The following USP7 variants were observed in gnomAD, a reference collection of about 807,000 sequenced individuals.
The protein encoded by USP7 is ubiquitin specific peptidase 7.
In USP7, 9 loss-of-function variants were observed where a neutral mutation model predicts 162.9. That is an observed-to-expected ratio of 0.06 (90% CI 0.03 to 0.10). USP7 has a LOEUF of 0.10. USP7 is among the 10% of genes least tolerant of loss of function. The pLI, the probability that USP7 is intolerant of heterozygous loss-of-function variation, is 1.00. For missense variants in USP7, 715 were observed against 1,373.7 expected (o/e 0.52, Z 7.58); for synonymous variants, 562 against 475.9 (o/e 1.18, Z -2.35).
rs570547527 is a variant in USP7, at chr16:8,892,397, G to A, written c.*1601C>T. The A allele has an allele frequency of 6.6e-6, 1 of 152,304 alleles. No individual in the cohort carries two copies. The highest frequency in any genetic ancestry group is 2.1e-4 in the South Asian group (1 of 4,826). 9.4% of individuals were successfully genotyped at this position (152,304 alleles called of 1,614,324 possible). ...AGTTGAGAAAGGAAGTCACTCCAAG[G>A]TACACACTGGCCCAAAGACCAGGAA... On this transcript the variant is annotated 3_prime_UTR_variant, in exon 31 of 31. Coordinates refer to ENST00000344836, the MANE Select transcript of USP7 (RefSeq NM_003470.3).
chr16:8,901,547 A>C (rs971829108), intron 18 of USP7, among the ~76,000 whole-genome samples: 1 of 152,224 alleles, frequency 6.6e-6, no homozygotes, highest in Non-Finnish European at 1.5e-5. Context: ...TGGCTGGAAG[A>C]GCGTTGCCAC....
At chr16:8,920,317 CAA>C (rs949812621) in intron 5 of USP7, 40 bp downstream of exon 5, 22 of 1,551,762 alleles carry the variant, frequency 1.4e-5, no homozygotes, top group Non-Finnish European at 1.8e-5. Flanking sequence ...CACTGCAGCA[CAA>C]AAGACATTTT....
rs2061612587 is a variant in USP7, at chr16:8,892,469, ACCACGC to A, written c.*1523_*1528del. The A allele has an allele frequency of 6.6e-6, 1 of 152,222 alleles. No homozygotes were observed. Among genetic ancestry groups the A allele is most frequent in the Non-Finnish European group, 1.5e-5 (1 of 68,050 alleles). 9.4% of individuals were successfully genotyped at this position (152,222 alleles called of 1,614,324 possible). On this transcript the variant is annotated 3_prime_UTR_variant, in exon 31 of 31. Transcript: ENST00000344836. The stretch of plus-strand genomic sequence containing the variant: ...GCAAGGCCGATGGGACGGTGCAAGG[ACCACGC>A]CCACGATAGCGCCTGCCGCCCCGAA...
In USP7 at chr16:8,892,899, T is replaced by C. The variant is rs1567201552; in HGVS notation, c.*1099A>G. 6.6e-6 allele frequency: 1 copy of C among 151,706 alleles called. No homozygotes were observed. Among genetic ancestry groups the C allele is most frequent in the Admixed American group, 6.6e-5 (1 of 15,246 alleles). 9.4% of individuals were successfully genotyped at this position (151,706 alleles called of 1,614,324 possible). A position where few individuals can be genotyped will look rare whatever the true frequency, so the allele number is the denominator to read the frequency against. On this transcript the variant is annotated 3_prime_UTR_variant, in exon 31 of 31. Transcript: ENST00000344836. ...AAAAATACCGGAAAAGGATGAAAAA[T>C]AAGAGTGATTTGCTGATTCTATTTT... is the stretch of plus-strand genomic sequence containing the variant.
rs375075563 is a variant in USP7, at chr16:8,894,897, C to A, written c.3040-42G>T. 5.2e-4 allele frequency: 846 copies of A among 1,613,988 alleles called. 1 individual carries two copies. Among genetic ancestry groups the A allele is most frequent in the Non-Finnish European group, 6.6e-4 (777 of 1,179,994 alleles). On this transcript the variant is annotated intron_variant, in intron 28 of 30. Coordinates refer to ENST00000344836, the MANE Select transcript of USP7 (RefSeq NM_003470.3). Reference sequence around the variant, plus strand: ...CATGTGCTCACACAGTCACTCCCAGCACCCCCAGGCCACGTCACGTGGCAG... The same window carrying A: ...CATGTGCTCACACAGTCACTCCCAGAACCCCCAGGCCACGTCACGTGGCAG...
intron 1 of USP7, among the ~76,000 whole-genome samples, chr16:8,953,579 C>T (rs1347335210): frequency 2.5e-5 from 3 of 120,796 alleles, no homozygotes; most frequent in South Asian, 3.1e-4. Flanking sequence ...AGGGAAGACA[C>T]GTGCCCCATG....
rs1555461671 is a variant in USP7 at position 8,897,726 on chromosome 16, A to AAAATAT, written c.2719-628_2719-627insATATTT. Among the ~76,000 whole-genome samples the AAAATAT allele has an allele frequency of 5.6e-4, 4 of 7,140 alleles. 1 individual carries two copies. Among genetic ancestry groups the AAAATAT allele is most frequent in the African/African-American group, 1.7e-3 (3 of 1,796 alleles). 4.7% of individuals were successfully genotyped at this position (7,140 alleles called of 152,430 possible). On this transcript the variant is annotated intron_variant, in intron 25 of 30. Transcript: ENST00000344836. ...AAAAAAAAAAAAAAAAAAAAAAAAA[A>AAAATAT]ATATATATATATATATATATAAATG...
intron 2 of USP7, among the ~76,000 whole-genome samples, chr16:8,926,514 AAGG>A (rs909094559): frequency 3.9e-5 from 6 of 152,320 alleles, no homozygotes; most frequent in Admixed American, 2.0e-4. Flanking sequence ...GGCCAAAAAA[AAGG>A]AGAAGTGGAC....
rs1260489318 is a variant in USP7, at chr16:8,898,451, A to G, written c.2641-14T>C. On this transcript the variant is annotated splice_polypyrimidine_tract_variant and intron_variant, in intron 24 of 30. Coordinates refer to ENST00000344836, the MANE Select transcript of USP7 (RefSeq NM_003470.3). ...TTTCATCTTAAGCTATTAAGAAAAG[A>G]AAGATTCACATCAGATACCGTCACC... 1.9e-6 allele frequency: 3 copies of G among 1,611,076 alleles called. No individual in the cohort carries two copies. In the African/African-American group the frequency reaches 4.0e-5, roughly 22 times the overall value.
chr16:8,898,261 G>T, intron 25 of USP7, 99 bp downstream of exon 25: 1 of 1,029,416 alleles, frequency 9.7e-7, no homozygotes, highest in African/African-American at 1.6e-5. Flanking sequence ...TGTTTAGAGT[G>T]TTTTTCTGTG....
chr16:8,913,885 A>T (rs575339461), intron 10 of USP7, among the ~76,000 whole-genome samples: 4 of 151,814 alleles, frequency 2.6e-5, no homozygotes, highest in Non-Finnish European at 4.4e-5. Flanking sequence ...AGTAGCTGGG[A>T]CTACAGGTGC....
intron 11 of USP7, among the ~76,000 whole-genome samples, chr16:8,909,697 G>A (rs937397194): frequency 1.3e-5 from 2 of 152,206 alleles, no homozygotes; most frequent in African/African-American, 2.4e-5. Context: ...GGAGGCCGAG[G>A]CAGGCGGATC....
At chr16:8,894,212 T>A (rs1596345598) in intron 30 of USP7, 108 bp from the exon 31 acceptor site, 3 of 1,057,370 alleles carry the variant, frequency 2.8e-6, no homozygotes, top group East Asian at 2.4e-5. Context: ...AAGGGGTAAG[T>A]TCGCAGGGAA....
At chr16:8,923,092 A>T in intron 3 of USP7, 123 bp downstream of exon 3, 1 of 723,026 alleles carries the variant, frequency 1.4e-6, no homozygotes, top group Non-Finnish European at 2.3e-6. Flanking sequence ...AGTGGGTTTT[A>T]AAGAGAAACA....
intron 20 of USP7, 175 bp from the exon 21 acceptor site, chr16:8,900,805 T>C (rs926460612): frequency 2.7e-6 from 2 of 730,830 alleles, no homozygotes; most frequent in Non-Finnish European, 4.4e-6. Context: ...AACAATCAGA[T>C]TTGATTCTAC....
chr16:8,894,527 C>CA, intron 30 of USP7, 23 bp downstream of exon 30: 1 of 1,496,578 alleles, frequency 6.7e-7, no homozygotes, highest in South Asian at 1.2e-5. Flanking sequence ...CACACCAGCC[C>CA]CCGGGGGGGG....
chr16:8,919,170 T>G (rs754832529), intron 5 of USP7, 31 bp from the exon 6 acceptor site: 2 of 1,608,082 alleles, frequency 1.2e-6, no homozygotes, highest in African/African-American at 1.3e-5. Flanking sequence ...TGAGGGGATC[T>G]TGCAGATACC....
chr16:8,952,220 A>T (rs1899586557), intron 1 of USP7, among the ~76,000 whole-genome samples: 1 of 152,144 alleles, frequency 6.6e-6, no homozygotes, highest in Admixed American at 6.5e-5. Flanking sequence ...ACTGAATTCC[A>T]GCCTGGGCAC....
At chr16:8,950,021 G>A (rs1299101309) in intron 1 of USP7, among the ~76,000 whole-genome samples, 1 of 152,236 alleles carries the variant, frequency 6.6e-6, no homozygotes, top group Non-Finnish European at 1.5e-5. Context: ...GAAGCCAGGA[G>A]CTGCATGTGG....
Sources: gnomAD v4.1 joint callset for allele counts (sites outside exome capture counted in the v4.1 genomes callset) on GRCh38, gnomAD v4.1.1 for gene constraint, MANE v1.5 for transcripts, NCBI Gene and HGNC (gene_info 2026-07-23, HGNC 2026-07-21) for gene names.